HIPK2: variants seen among roughly 807,000 people sequenced by gnomAD.
HIPK2 encodes homeodomain-interacting protein kinase 2.
HIPK2 carries 27 observed loss-of-function variants against 113.7 expected under a neutral mutation model. That is an observed-to-expected ratio of 0.24 (90% CI 0.17 to 0.33). The LOEUF (loss-of-function observed/expected upper bound fraction) is 0.33. Among genes scored for constraint, HIPK2 ranks in the 10% least tolerant of loss-of-function variants. The pLI, the probability that HIPK2 is intolerant of heterozygous loss-of-function variation, is 1.00. For synonymous variants in HIPK2, 631 were observed against 642.2 expected, an observed-to-expected ratio of 0.98 and a Z score of 0.26; for missense variants, 1,257 against 1,588.0, an observed-to-expected ratio of 0.79 and a Z score of 3.54.
At position 139,596,582 on chromosome 7, in the gene HIPK2, C is replaced by T. The variant is rs114343267; in HGVS notation, c.2717+135G>A. On this transcript the variant is annotated intron_variant, in intron 12 of 14. Transcript: ENST00000406875. Reference sequence around the variant, plus strand: ...TTCCCTTGAAATAACTTTAGGACCACAGTAGATGGCAAAACCAAACTGTAA... The same window carrying T: ...TTCCCTTGAAATAACTTTAGGACCATAGTAGATGGCAAAACCAAACTGTAA... The T allele has an allele frequency of 9.8e-4, 1,162 of 1,183,430 alleles. 10 individuals carry two copies. The African/African-American group carries it at 0.015, about 16-fold the overall frequency. The allele number at this position is 1,183,430 out of a possible 1,614,324, so 73.3% of individuals were successfully genotyped here.
chr7:139,771,679 A>G (rs1370688965), intron 1 of HIPK2, among the ~76,000 whole-genome samples: 5 of 152,102 alleles, frequency 3.3e-5, no homozygotes, highest in African/African-American at 1.2e-4. Context: ...TTTCTCTTAT[A>G]TGCGGTACTA....
At chr7:139,754,536 AT>A (rs1198020639) in intron 1 of HIPK2, among the ~76,000 whole-genome samples, 1 of 152,252 alleles carries the variant, frequency 6.6e-6, no homozygotes, top group Non-Finnish European at 1.5e-5. Context: ...GTATATACAC[AT>A]AGAAAAGCTA....
intron 7 of HIPK2, among the ~76,000 whole-genome samples, chr7:139,614,766 C>T (rs762138986): frequency 3.3e-5 from 5 of 152,172 alleles, no homozygotes; most frequent in Non-Finnish European, 5.9e-5. Flanking sequence ...AGAGGACACA[C>T]GGATGCCTGC....
chr7:139,768,802 A>G (rs773494844), intron 1 of HIPK2, among the ~76,000 whole-genome samples: 2 of 152,246 alleles, frequency 1.3e-5, no homozygotes, highest in Admixed American at 6.5e-5. Flanking sequence ...CTGGCAGTGC[A>G]GCCTAGCAAA....
intron 2 of HIPK2, among the ~76,000 whole-genome samples, chr7:139,715,519 C>T (rs1381411969): frequency 6.6e-6 from 1 of 152,236 alleles, no homozygotes; most frequent in Non-Finnish European, 1.5e-5. Context: ...GGCTTTCACT[C>T]ACATCTCCCA....
chr7:139,690,404 G>A (rs1794368394), intron 2 of HIPK2, among the ~76,000 whole-genome samples: 1 of 152,136 alleles, frequency 6.6e-6, no homozygotes, highest in Non-Finnish European at 1.5e-5. Flanking sequence ...GTTGAAATGT[G>A]ATCTCCAGTG....
intron 1 of HIPK2, among the ~76,000 whole-genome samples, chr7:139,747,208 A>G (rs562438278): frequency 6.6e-6 from 1 of 152,262 alleles, no homozygotes; most frequent in South Asian, 2.1e-4. Context: ...GCAGCCATCA[A>G]TTCAGGGGCT....
At chr7:139,580,992 G>A (rs1798648323) in intron 13 of HIPK2, among the ~76,000 whole-genome samples, 1 of 152,150 alleles carries the variant, frequency 6.6e-6, no homozygotes, top group Admixed American at 6.5e-5. Flanking sequence ...GGCTGAGGCG[G>A]GTGGATTGCC....
rs899998141 is a variant in HIPK2 at position 139,566,865 on chromosome 7, C to T, written c.*6062G>A. 1 of 152,378 alleles carries T rather than the reference C, an allele frequency of 6.6e-6. No homozygotes were observed. Among genetic ancestry groups the T allele is most frequent in the South Asian group, 2.1e-4 (1 of 4,826 alleles). 9.4% of individuals were successfully genotyped at this position (152,378 alleles called of 1,614,324 possible). A position where few individuals can be genotyped will look rare whatever the true frequency, so the allele number is the denominator to read the frequency against. On this transcript the variant is annotated 3_prime_UTR_variant, in exon 15 of 15. Coordinates refer to ENST00000406875, the MANE Select transcript of HIPK2 (RefSeq NM_022740.5). This position sits in a 1 kb window ranked among gnomAD's most constrained non-coding sequence, Gnocchi z 4.1. ...GGGGCTCCCAGAGGCTTGGGCAAGT[C>T]CAGCGGGGGGCATCGGGAAGACCCT...
intron 13 of HIPK2, among the ~76,000 whole-genome samples, chr7:139,580,628 C>T (rs1798637215): frequency 6.6e-6 from 1 of 152,154 alleles, no homozygotes. Context: ...GGTGAGTTGG[C>T]AGGGGTGCTT....
intron 1 of HIPK2, among the ~76,000 whole-genome samples, chr7:139,741,648 C>T (rs1471130524): frequency 9.0e-6 from 1 of 111,274 alleles, no homozygotes; most frequent in Non-Finnish European, 2.1e-5. Context: ...GCCTGTCCCA[C>T]CTTTGTTATT....
intron 2 of HIPK2, among the ~76,000 whole-genome samples, chr7:139,700,338 T>C (rs1356540048): frequency 1.3e-5 from 2 of 152,154 alleles, no homozygotes; most frequent in Non-Finnish European, 2.9e-5. Flanking sequence ...GTGGGTGACC[T>C]GAGGCCACGC....
chr7:139,761,345 C>T (rs1796461032), intron 1 of HIPK2, among the ~76,000 whole-genome samples: 1 of 152,226 alleles, frequency 6.6e-6, no homozygotes, highest in Admixed American at 6.5e-5. Flanking sequence ...AAGTCACTTG[C>T]TGGTCTCTAG....
At chr7:139,633,744 A>G (rs921853331) in intron 2 of HIPK2, among the ~76,000 whole-genome samples, 39 of 152,096 alleles carry the variant, frequency 2.6e-4, no homozygotes, top group African/African-American at 7.2e-4. Flanking sequence ...CAGGAGTCCA[A>G]GACCAGCCTG....
At chr7:139,696,343 CAGG>C (rs1333428564) in intron 2 of HIPK2, among the ~76,000 whole-genome samples, 1 of 152,038 alleles carries the variant, frequency 6.6e-6, no homozygotes, top group Non-Finnish European at 1.5e-5. Flanking sequence ...GAGGTGGAGA[CAGG>C]AGGATCACTT....
chr7:139,678,034 G>C (rs780048133), intron 2 of HIPK2, among the ~76,000 whole-genome samples: 2 of 152,144 alleles, frequency 1.3e-5, no homozygotes, highest in Non-Finnish European at 2.9e-5. Context: ...AGAAGTGTCT[G>C]TTCATATCCT....
In HIPK2 at chr7:139,584,042, T is replaced by G; in HGVS notation, c.2740A>C (p.Asn914His). 1.3e-6 allele frequency: 2 copies of G among 1,598,328 alleles called. No homozygotes were observed. Among genetic ancestry groups the G allele is most frequent in the South Asian group, 1.1e-5 (1 of 88,974 alleles). Reference sequence around the variant, plus strand: ...TGGACTGTGACACAGCTGATGACGTTTTTTCTTTGCTTGGAGACAGTGCTG... The same window carrying G: ...TGGACTGTGACACAGCTGATGACGTGTTTTCTTTGCTTGGAGACAGTGCTG... The part of the protein sequence containing the change: ...PTSTVSKQRK[N>H]VISCVTVHDS... Residue 914 changes from asparagine (N) to histidine (H), a missense_variant, in exon 13 of 15, where the codon AAC becomes CAC. Physicochemically the swap from Asn to His is moderately conservative, Grantham distance 68. Around this residue, in one of 5 missense-constraint regions of HIPK2, gnomAD observed 862 missense variants for 1,004.3 expected, o/e 0.86. Transcript: ENST00000406875.
intron 2 of HIPK2, among the ~76,000 whole-genome samples, chr7:139,666,533 CA>C (rs1334203965): frequency 1.3e-5 from 2 of 152,184 alleles, no homozygotes; most frequent in Admixed American, 1.3e-4. Flanking sequence ...AACTGTCCCA[CA>C]GAGTAAATAA....
chr7:139,714,379 G>A lies in HIPK2; in HGVS notation c.1103+1553C>T, dbSNP rs1489439403. Among the ~76,000 whole-genome samples the A allele has an allele frequency of 1.3e-5, 2 of 152,188 alleles. No individual in the cohort carries two copies. The highest frequency in any genetic ancestry group is 6.5e-5 in the Admixed American group (1 of 15,286). On this transcript the variant is annotated intron_variant, in intron 2 of 14. Transcript: ENST00000406875. This position sits in a 1 kb window ranked among gnomAD's most constrained non-coding sequence, Gnocchi z 4.2. ...TGGGAGGGCATCTGGGGATCCGAAC[G>A]GAGGGGCTGTTGCTCTCCCAGGGAA...
Sources: allele counts gnomAD v4.1 joint callset (sites outside exome capture counted in the v4.1 genomes callset), GRCh38; gene constraint gnomAD v4.1.1; regional missense constraint gnomAD v4.1.1; non-coding constraint Gnocchi (gnomAD v3.1); transcripts MANE v1.5; gene names NCBI Gene and HGNC (gene_info 2026-07-23, HGNC 2026-07-21).